The following CNTN3 variants were observed in gnomAD, a reference collection of about 807,000 sequenced individuals.
CNTN3 encodes the protein contactin-3.
In CNTN3, 60 loss-of-function variants were observed where a neutral mutation model predicts 119.1. The ratio of observed to expected loss-of-function variants is 0.50; its 90% CI spans 0.41 to 0.62. CNTN3 has a LOEUF of 0.62. Ranked by LOEUF, CNTN3 falls within the 20% of genes least tolerant of loss-of-function variation. The pLI is 0.00. For synonymous variants in CNTN3, 450 were observed against 438.7 expected (o/e 1.03, Z -0.32); for missense variants, 1,101 against 1,242.4 (o/e 0.89, Z 1.71).
intron 1 of CNTN3, among the ~76,000 whole-genome samples, chr3:74,556,885 G>A (rs1704077430): frequency 6.6e-6 from 1 of 152,090 alleles, no homozygotes; most frequent in East Asian, 1.9e-4. Context: ...TTTCCCTAAT[G>A]GCTAATGAGG....
chr3:74,432,781 C>T (rs954624598), intron 4 of CNTN3, among the ~76,000 whole-genome samples: 1 of 152,178 alleles, frequency 6.6e-6, no homozygotes, highest in African/African-American at 2.4e-5. Context: ...TCCCAACACC[C>T]AAATTCAAAG....
At chr3:74,274,138 C>G (rs570272886) in intron 20 of CNTN3, among the ~76,000 whole-genome samples, 1 of 152,010 alleles carries the variant, frequency 6.6e-6, no homozygotes, top group African/African-American at 2.4e-5. Context: ...CCCATCCCCC[C>G]AGCAGCTACG....
Position 74,298,143 on chromosome 3 carries a change from C to A in CNTN3, c.2215G>T (p.Ala739Ser). 1 of 1,610,178 alleles carries A rather than the reference C, an allele frequency of 6.2e-7. No homozygotes were observed. Among genetic ancestry groups the A allele is most frequent in the Non-Finnish European group, 8.5e-7 (1 of 1,177,712 alleles). The change falls in exon 18 of 23, where the codon GCT (alanine) becomes TCT (serine). Residue 739 changes from alanine to serine, a missense_variant. Physicochemically the swap from Ala to Ser is moderately conservative, Grantham distance 99. Coordinates refer to ENST00000263665, the MANE Select transcript of CNTN3 (RefSeq NM_020872.3). ...QNGEGFGYVV[A>S]FRPLGVTTWI... ...GTGGTAACCCCAAGAGGGCGGAAAG[C>A]AACAACATACCCAAAACCTTCACCA...
intron 2 of CNTN3, among the ~76,000 whole-genome samples, chr3:74,500,483 A>G (rs75055647): frequency 0.026 from 3,865 of 146,172 alleles, 209 homozygotes; most frequent in East Asian, 0.2. Flanking sequence ...TTGCCATAGC[A>G]TTTCTGAAAA....
At chr3:74,515,125 C>G (rs1703429970) in intron 2 of CNTN3, among the ~76,000 whole-genome samples, 1 of 151,920 alleles carries the variant, frequency 6.6e-6, no homozygotes, top group African/African-American at 2.4e-5. Flanking sequence ...AAGGGACCCT[C>G]AAGGGATACC....
chr3:74,591,686 C>T (rs532201969), intron 1 of CNTN3, among the ~76,000 whole-genome samples: 7 of 151,768 alleles, frequency 4.6e-5, no homozygotes, highest in Middle Eastern at 3.4e-3. Flanking sequence ...AATGGTAACT[C>T]CAAGGTCTCT....
At chr3:74,383,979 G>C (rs1161923045) in intron 5 of CNTN3, among the ~76,000 whole-genome samples, 1 of 152,174 alleles carries the variant, frequency 6.6e-6, no homozygotes, top group Non-Finnish European at 1.5e-5. Context: ...ATTTTTGCCT[G>C]AGGCAGAAAG....
At chr3:74,430,921 C>T (rs1034678941) in intron 4 of CNTN3, among the ~76,000 whole-genome samples, 9 of 152,064 alleles carry the variant, frequency 5.9e-5, no homozygotes, top group Non-Finnish European at 8.8e-5. Context: ...TTGCTGACCC[C>T]GCTTCTGGCC....
chr3:74,499,860 GA>G, intron 2 of CNTN3, 75 bp from the exon 3 acceptor site: 3 of 1,419,424 alleles, frequency 2.1e-6, no homozygotes, highest in Non-Finnish European at 1.9e-6. Flanking sequence ...CAGTATTGAA[GA>G]AAACAAGGAA....
intron 5 of CNTN3, among the ~76,000 whole-genome samples, chr3:74,404,019 G>A (rs1230526593): frequency 1.3e-5 from 2 of 151,654 alleles, no homozygotes; most frequent in Admixed American, 1.3e-4. Context: ...TACAAGACTC[G>A]CTATTCTCTG....
chr3:74,294,537 T>TG (rs1292520350), intron 19 of CNTN3, among the ~76,000 whole-genome samples: 1 of 152,234 alleles, frequency 6.6e-6, no homozygotes, highest in Non-Finnish European at 1.5e-5. Context: ...ACTACCCTTA[T>TG]GAAGACTTTC....
intron 1 of CNTN3, among the ~76,000 whole-genome samples, chr3:74,602,860 G>A (rs1249374153): frequency 1.3e-5 from 2 of 152,114 alleles, no homozygotes; most frequent in Admixed American, 1.3e-4. Context: ...GTCTAGCTAA[G>A]TCTCTTGTGT....
chr3:74,296,738 A>C (rs996445156), intron 18 of CNTN3, among the ~76,000 whole-genome samples: 1 of 152,068 alleles, frequency 6.6e-6, no homozygotes, highest in Admixed American at 6.6e-5. Flanking sequence ...CAAATTTATT[A>C]CTCTCTTTCA....
At chr3:74,588,966 T>C (rs1704648991) in intron 1 of CNTN3, among the ~76,000 whole-genome samples, 1 of 152,168 alleles carries the variant, frequency 6.6e-6, no homozygotes, top group Non-Finnish European at 1.5e-5. Context: ...CAAGATGGAT[T>C]AAAGACTTAA....
chr3:74,501,836 C>T (rs1384933047), intron 2 of CNTN3, among the ~76,000 whole-genome samples: 1 of 150,968 alleles, frequency 6.6e-6, no homozygotes, highest in African/African-American at 2.4e-5. Context: ...AGAGCAACTT[C>T]CAGAAGAAAT....
chr3:74,517,476 G>C (rs1703470076), intron 2 of CNTN3, among the ~76,000 whole-genome samples: 1 of 151,860 alleles, frequency 6.6e-6, no homozygotes, highest in African/African-American at 2.4e-5. Context: ...CACCCATATT[G>C]TGCTAGGGTC....
intron 1 of CNTN3, among the ~76,000 whole-genome samples, chr3:74,596,184 A>G (rs55856211): frequency 0.12 from 18,799 of 152,188 alleles, 1,323 homozygotes; most frequent in East Asian, 0.24. Context: ...ATGAAATAAA[A>G]GACGATACAA....
intron 1 of CNTN3, among the ~76,000 whole-genome samples, chr3:74,575,462 G>A (rs1474761770): frequency 6.6e-6 from 1 of 151,896 alleles, no homozygotes; most frequent in African/African-American, 2.4e-5. Flanking sequence ...ATGTTGGCCA[G>A]ACTGGTCTTG....
In CNTN3 at chr3:74,267,253, T is replaced by G; in HGVS notation, c.2817+13A>C. On this transcript the variant is annotated intron_variant, in intron 21 of 22. Transcript: ENST00000263665. Reference sequence around the variant, plus strand: ...AATTACGAAAATGAAGCATTGCAAATGAGAAAACTTACTTTATATCCTGTT... The same window carrying G: ...AATTACGAAAATGAAGCATTGCAAAGGAGAAAACTTACTTTATATCCTGTT... 306 of 1,563,660 alleles carry G rather than the reference T, an allele frequency of 2.0e-4. No homozygotes were observed. The highest frequency in any genetic ancestry group is 2.5e-4 in the Non-Finnish European group (279 of 1,135,382).
Sources: gnomAD v4.1 joint callset for allele counts (sites outside exome capture counted in the v4.1 genomes callset) on GRCh38, gnomAD v4.1.1 for gene constraint, MANE v1.5 for transcripts, NCBI Gene and HGNC (gene_info 2026-07-23, HGNC 2026-07-21) for gene names.